The following PPP1CC variants were observed in gnomAD, a reference collection of about 807,000 sequenced individuals.
The protein encoded by PPP1CC is serine/threonine-protein phosphatase PP1-gamma catalytic subunit.
A neutral mutation model predicts 38.4 loss-of-function variants in PPP1CC; 16 were observed. The ratio of observed to expected loss-of-function variants is 0.42; its 90% CI spans 0.28 to 0.63. The LOEUF is 0.63. PPP1CC is among the 30% of genes least tolerant of loss of function. The probability of loss-of-function intolerance (pLI) is 0.25; values close to 1 mark genes in which losing one functional copy is unlikely to be tolerated. For missense variants in PPP1CC, 170 were observed against 391.3 expected (o/e 0.43, Z 4.77); for synonymous variants, 158 against 136.0 (o/e 1.16, Z -1.13).
At chr12:110,736,533 A>T (rs2069946563) in intron 1 of PPP1CC, among the ~76,000 whole-genome samples, 1 of 152,000 alleles carries the variant, frequency 6.6e-6, no homozygotes, top group Admixed American at 6.6e-5. Context: ...AGTCCCAGCT[A>T]CTCGGGAGGC....
downstream of PPP1CC, among the ~76,000 whole-genome samples, chr12:110,717,560 A>C (rs1203027444): frequency 6.6e-6 from 1 of 151,464 alleles, no homozygotes; most frequent in Admixed American, 6.6e-5. Flanking sequence ...TGCCCGGCTA[A>C]TTTTTTCTAT....
intron 3 of PPP1CC, among the ~76,000 whole-genome samples, chr12:110,727,563 G>A (rs2069813913): frequency 6.8e-6 from 1 of 148,090 alleles, no homozygotes; most frequent in African/African-American, 2.5e-5. Flanking sequence ...AAACACTCAT[G>A]TTTTACCCAA....
Position 110,721,139 on chromosome 12 carries a change from C to T in PPP1CC, c.909G>A (p.Lys303=), listed in dbSNP as rs774700443. The change falls in exon 7 of 7, where the codon AAG becomes AAA. Residue 303 remains lysine, a synonymous_variant. Coordinates refer to ENST00000335007, the MANE Select transcript of PPP1CC (RefSeq NM_002710.4). ...FQILKPAEKK[K]PNATRPVTPP... Reference sequence around the variant, plus strand: ...GCGTTACAGGTCTCGTGGCATTTGGCTTCTTTTTCTCTGCAGGCTTTAAAA... The same window carrying T: ...GCGTTACAGGTCTCGTGGCATTTGGTTTCTTTTTCTCTGCAGGCTTTAAAA... The T allele has an allele frequency of 5.6e-6, 9 of 1,613,834 alleles. No homozygotes were observed. Among genetic ancestry groups the T allele is most frequent in the Non-Finnish European group, 6.8e-6 (8 of 1,179,780 alleles).
intron 6 of PPP1CC, chr12:110,721,562 T>TATTTTA (rs1157556399): frequency 5.8e-6 from 1 of 171,896 alleles, no homozygotes; most frequent in East Asian, 1.7e-4. Context: ...GGTAAAAAAC[T>TATTTTA]ATTTTAATTC....
At chr12:110,735,202 C>T (rs1425062953) in intron 1 of PPP1CC, among the ~76,000 whole-genome samples, 2 of 150,892 alleles carry the variant, frequency 1.3e-5, no homozygotes, top group South Asian at 2.1e-4. Context: ...TATAGGCGTG[C>T]GCCACCGTGC....
chr12:110,740,007 C>CTCGCTTACAGAAAT (rs1228650362), intron 1 of PPP1CC, among the ~76,000 whole-genome samples: 51 of 152,262 alleles, frequency 3.3e-4, no homozygotes, highest in Non-Finnish European at 5.6e-4. Context: ...GAGGTGATGC[C>CTCGCTTACAGAAAT]TCGCTTACAG....
At chr12:110,709,757 G>A in the PPP1CC span, among the ~76,000 whole-genome samples, 1 of 151,426 alleles carries the variant, frequency 6.6e-6, no homozygotes, top group African/African-American at 2.4e-5. Flanking sequence ...ATGTTGGCTA[G>A]GCTGGTCTTG....
intron 1 of PPP1CC, among the ~76,000 whole-genome samples, chr12:110,741,363 G>C (rs1028764070): frequency 6.6e-6 from 1 of 152,184 alleles, no homozygotes; most frequent in Non-Finnish European, 1.5e-5. Context: ...AGCATTTATA[G>C]TCCAACAATA....
Position 110,742,676 on chromosome 12 carries a change from CTGTCGATGT to C in PPP1CC, c.23_31del (p.Asn8_Asp10del). The C allele has an allele frequency of 6.8e-7, 1 of 1,476,676 alleles. No individual in the cohort carries two copies. The highest frequency in any genetic ancestry group is 9.0e-7 in the Non-Finnish European group (1 of 1,106,774). 91.5% of individuals were successfully genotyped at this position (1,476,676 alleles called of 1,614,324 possible). Reference sequence around the variant, plus strand: ...ACCTTCCAGCAGCCGTTGGATAATGCTGTCGATGTTGAGTTTATCTAAATCCGCCATCGC... The same window carrying C: ...ACCTTCCAGCAGCCGTTGGATAATGCTGAGTTTATCTAAATCCGCCATCGC... On this transcript the variant is annotated inframe_deletion, in exon 1 of 7. Transcript: ENST00000335007.
chr12:110,735,811 TCCCAGCA>T (rs1277273111), intron 1 of PPP1CC, among the ~76,000 whole-genome samples: 1 of 151,068 alleles, frequency 6.6e-6, no homozygotes, highest in Non-Finnish European at 1.5e-5. Flanking sequence ...ATGCCAGTAA[TCCCAGCA>T]CTTTAGGAGT....
chr12:110,742,825 G>A lies in PPP1CC; in HGVS notation c.-118C>T, dbSNP rs1195620364. 7.6e-6 allele frequency: 6 copies of A among 793,660 alleles called. No individual in the cohort carries two copies. The highest frequency in any genetic ancestry group is 4.3e-5 in the Admixed American group (1 of 23,054). The allele number at this position is 793,660 out of a possible 1,614,324, so 49.2% of individuals were successfully genotyped here. A position where few individuals can be genotyped will look rare whatever the true frequency, so the allele number is the denominator to read the frequency against. The stretch of plus-strand genomic sequence containing the variant: ...TGGTGGCGGCGGTGGCAGCAGCCGC[G>A]GCGGGTCCCCCCCCTGCCACCCCGC... On this transcript the variant is annotated 5_prime_UTR_variant, in exon 1 of 7. Coordinates refer to ENST00000335007, the MANE Select transcript of PPP1CC (RefSeq NM_002710.4).
chr12:110,737,138 G>A (rs149551930), intron 1 of PPP1CC, among the ~76,000 whole-genome samples: 1 of 152,034 alleles, frequency 6.6e-6, no homozygotes, highest in African/African-American at 2.4e-5. Context: ...TCCCATAAAC[G>A]ACTGAGTTCT....
At chr12:110,737,393 G>C (rs971820452) in intron 1 of PPP1CC, among the ~76,000 whole-genome samples, 2 of 137,968 alleles carry the variant, frequency 1.4e-5, no homozygotes, top group Non-Finnish European at 3.0e-5. Context: ...TGAGGCAGGA[G>C]AAATCGCTTG....
chr12:110,731,625 GCTA>G, intron 2 of PPP1CC, 142 bp downstream of exon 2: 1 of 777,326 alleles, frequency 1.3e-6, no homozygotes, highest in Non-Finnish European at 1.9e-6. Context: ...TTATTCTAAA[GCTA>G]CTATTTAACT....
intron 3 of PPP1CC, chr12:110,725,632 C>T (rs2069789665): frequency 6.6e-6 from 1 of 152,238 alleles, no homozygotes; most frequent in Non-Finnish European, 1.5e-5. Context: ...ACTGTTTCTA[C>T]AGGAAACTGA....
rs190086695 is a variant in PPP1CC at position 110,720,303 on chromosome 12, G to A, written c.*773C>T. 2.3e-5 allele frequency: 25 copies of A among 1,063,836 alleles called. No homozygotes were observed. In the African/African-American group the frequency reaches 3.2e-4, roughly 14 times the overall value. 65.9% of individuals were successfully genotyped at this position (1,063,836 alleles called of 1,614,324 possible). The stretch of plus-strand genomic sequence containing the variant: ...CTTAAACAGCACTATATCACTAATT[G>A]CTATTCAAAATCAAAAACCTGTTTT... On this transcript the variant is annotated 3_prime_UTR_variant, in exon 7 of 7. Coordinates refer to ENST00000335007, the MANE Select transcript of PPP1CC (RefSeq NM_002710.4).
the PPP1CC span, among the ~76,000 whole-genome samples, chr12:110,713,033 A>G: frequency 6.6e-6 from 1 of 152,052 alleles, no homozygotes; most frequent in Non-Finnish European, 1.5e-5. Flanking sequence ...AGATTGCACC[A>G]TTGCATTCCA....
downstream of PPP1CC, among the ~76,000 whole-genome samples, chr12:110,715,423 C>T (rs374094035): frequency 7.9e-5 from 12 of 151,898 alleles, no homozygotes; most frequent in Non-Finnish European, 1.3e-4. Context: ...CAGGCTCAAG[C>T]GATCCTCCCA....
chr12:110,708,864 AAAAAG>A, the PPP1CC span, among the ~76,000 whole-genome samples: 6 of 150,458 alleles, frequency 4.0e-5, no homozygotes, highest in African/African-American at 1.5e-4. Flanking sequence ...AAAAAAAAAA[AAAAAG>A]AAAAGAAAAG....
Sources: allele counts gnomAD v4.1 joint callset (sites outside exome capture counted in the v4.1 genomes callset), GRCh38; gene constraint gnomAD v4.1.1; transcripts MANE v1.5; gene names NCBI Gene and HGNC (gene_info 2026-07-23, HGNC 2026-07-21).